Variants in NGLY1 observed in about 807,000 individuals in gnomAD.
NGLY1 encodes the protein peptide-N(4)-(N-acetyl-beta-glucosaminyl)asparagine amidase.
A neutral mutation model predicts 84.6 loss-of-function variants in NGLY1; 68 were observed. The observed-to-expected ratio is 0.80, with a 90% CI of 0.66 to 0.98. The LOEUF (loss-of-function observed/expected upper bound fraction) is 0.98, where lower values mean the gene tolerates loss of function less well. Among genes scored for constraint, NGLY1 ranks in the 50% least tolerant of loss-of-function variants. The pLI is 0.00. For synonymous variants in NGLY1, 280 were observed against 275.2 expected (o/e 1.02, Z -0.17); for missense variants, 779 against 770.2 (o/e 1.01, Z -0.14).
At chr3:25,768,319 G>A (rs1575655373) in intron 2 of NGLY1, among the ~76,000 whole-genome samples, 2 of 151,438 alleles carry the variant, frequency 1.3e-5, no homozygotes, top group East Asian at 2.0e-4. Flanking sequence ...CCAGTTACTC[G>A]GAAGACTGAG....
At chr3:25,734,222 C>T (rs1016393032) in intron 7 of NGLY1, 24 of 337,938 alleles carry the variant, frequency 7.1e-5, no homozygotes, top group Admixed American at 3.8e-4. Context: ...TGCACCATCA[C>T]GCCTGGCTGA....
chr3:25,745,609 T>C (rs558311130), intron 4 of NGLY1, among the ~76,000 whole-genome samples: 1 of 152,320 alleles, frequency 6.6e-6, no homozygotes, highest in Non-Finnish European at 1.5e-5. Context: ...TGACTGCAAA[T>C]TCCACATATT....
At chr3:25,770,730 G>T (rs1284792007) in intron 2 of NGLY1, among the ~76,000 whole-genome samples, 1 of 152,052 alleles carries the variant, frequency 6.6e-6, no homozygotes, top group Non-Finnish European at 1.5e-5. Context: ...ATTATTTTTT[G>T]ATTCTTTAAT....
intron 1 of NGLY1, among the ~76,000 whole-genome samples, chr3:25,778,925 C>CTTTT (rs565447910): frequency 3.5e-4 from 19 of 54,692 alleles, no homozygotes; most frequent in African/African-American, 7.2e-4. Context: ...AAGATACATT[C>CTTTT]TTTTTTTTTT....
intron 4 of NGLY1, among the ~76,000 whole-genome samples, chr3:25,750,084 G>C (rs184168706): frequency 6.0e-4 from 92 of 152,274 alleles, no homozygotes; most frequent in Non-Finnish European, 7.3e-5. Context: ...GTTCCACATG[G>C]CTGGAGAGGC....
At chr3:25,757,959 T>C (rs191911956) in intron 3 of NGLY1, among the ~76,000 whole-genome samples, 2 of 152,348 alleles carry the variant, frequency 1.3e-5, no homozygotes, top group East Asian at 3.9e-4. Context: ...GACAAAGCTG[T>C]GCAGTTCAAA....
At chr3:25,788,650 A>T (rs1016013393) in intron 1 of NGLY1, among the ~76,000 whole-genome samples, 10 of 152,218 alleles carry the variant, frequency 6.6e-5, no homozygotes, top group African/African-American at 2.2e-4. Flanking sequence ...GCTTCAGAGA[A>T]AATATTGTAG....
chr3:25,783,311 G>A lies in NGLY1; in HGVS notation c.80C>T (p.Thr27Ile). The A allele has an allele frequency of 6.2e-7, 1 of 1,605,896 alleles. No individual in the cohort carries two copies. Reference sequence around the variant, plus strand: ...CAGCAGCTTGGAGGCCTCCAAAAAGGTCTCCGGGGTGTTCTGGCAGAGCTC... The same window carrying A: ...CAGCAGCTTGGAGGCCTCCAAAAAGATCTCCGGGGTGTTCTGGCAGAGCTC... ...VAELCQNTPETFLEASKLLLT... is the reference protein window; with the variant it reads ...VAELCQNTPEIFLEASKLLLT... The change falls in exon 1 of 12, where the codon ACC (threonine) becomes ATC (isoleucine). Residue 27 changes from threonine to isoleucine, a missense_variant. Physicochemically the swap from Thr to Ile is moderately conservative, Grantham distance 89. Coordinates refer to ENST00000280700, the MANE Select transcript of NGLY1 (RefSeq NM_018297.4). This position sits in a 1 kb window ranked among gnomAD's most constrained non-coding sequence, Gnocchi z 4.5.
intron 2 of NGLY1, among the ~76,000 whole-genome samples, chr3:25,769,595 T>A (rs771580062): frequency 6.6e-6 from 1 of 152,082 alleles, no homozygotes; most frequent in Non-Finnish European, 1.5e-5. Context: ...ACATTCCTAG[T>A]GGGTATACAA....
intron 9 of NGLY1, among the ~76,000 whole-genome samples, chr3:25,730,785 CAA>C (rs1161783647): frequency 3.3e-5 from 5 of 152,074 alleles, no homozygotes; most frequent in Non-Finnish European, 5.9e-5. Context: ...TGAACTGTAA[CAA>C]TGGCAAATTT....
chr3:25,756,432 T>A (rs558968105), intron 3 of NGLY1, among the ~76,000 whole-genome samples: 3 of 152,196 alleles, frequency 2.0e-5, no homozygotes, highest in African/African-American at 7.2e-5. Context: ...GTCAGAACAG[T>A]TGGGTTTTAC....
intron 2 of NGLY1, among the ~76,000 whole-genome samples, chr3:25,768,670 C>G (rs531109636): frequency 1.0e-4 from 15 of 149,866 alleles, no homozygotes; most frequent in Non-Finnish European, 2.1e-4. Flanking sequence ...CTCAGCCTCC[C>G]AAGTAGCTGG....
At position 25,751,214 on chromosome 3, in the gene NGLY1, T is replaced by C. The variant is rs369784943; in HGVS notation, c.542A>G (p.His181Arg). The change falls in exon 4 of 12, where the codon CAT becomes CGT. Residue 181 changes from histidine (H) to arginine (R), a missense_variant. Coordinates refer to ENST00000280700, the MANE Select transcript of NGLY1 (RefSeq NM_018297.4). Reference protein sequence around the residue: ...ILEVLQSNIQHVLVYENPALQ... With the variant: ...ILEVLQSNIQRVLVYENPALQ... ...AGCAGGATTTTCATAGACCAGCACA[T>C]GCTGAATGTTGGACTGAAGAACTTC... 12 of 1,611,786 alleles carry C rather than the reference T, an allele frequency of 7.4e-6. No homozygotes were observed. Among genetic ancestry groups the C allele is most frequent in the South Asian group, 2.2e-5 (2 of 90,678 alleles).
At chr3:25,785,554 C>A, upstream of NGLY1, among the ~76,000 whole-genome samples, 1 of 148,002 alleles carries the variant, frequency 6.8e-6, no homozygotes, top group African/African-American at 2.5e-5. Context: ...ATTTTAGGGG[C>A]TGGACATGGT....
At chr3:25,757,438 G>C (rs1012078757) in intron 3 of NGLY1, among the ~76,000 whole-genome samples, 2 of 152,112 alleles carry the variant, frequency 1.3e-5, no homozygotes, top group African/African-American at 4.8e-5. Flanking sequence ...GTAAGGGTTC[G>C]ACTGGTATAC....
intron 5 of NGLY1, among the ~76,000 whole-genome samples, chr3:25,737,896 T>C (rs1399597690): frequency 6.6e-6 from 1 of 152,192 alleles, no homozygotes; most frequent in Non-Finnish European, 1.5e-5. Context: ...TGAGGCACAA[T>C]GTTAGAACAT....
At chr3:25,764,546 G>A (rs979223844) in intron 2 of NGLY1, among the ~76,000 whole-genome samples, 3 of 151,908 alleles carry the variant, frequency 2.0e-5, no homozygotes. Context: ...TTAATCCTTA[G>A]CCTATTTAAT....
Position 25,783,219 on chromosome 3 carries a change from A to ACCCACCCCCGTACCCCCCGG in NGLY1, c.131+40_131+41insCCGGGGGGTACGGGGGTGGG. 8.1e-7 allele frequency: 1 copy of ACCCACCCCCGTACCCCCCGG among 1,228,008 alleles called. No individual in the cohort carries two copies. The highest frequency in any genetic ancestry group is 1.2e-6 in the Non-Finnish European group (1 of 859,664). 76.1% of individuals were successfully genotyped at this position (1,228,008 alleles called of 1,614,324 possible). Reference sequence around the variant, plus strand: ...CTGGCCGAACAAGGTGCCGCGGCCCACCCACCCCGGTACCCGCCGTCCGAC... The same window carrying ACCCACCCCCGTACCCCCCGG: ...CTGGCCGAACAAGGTGCCGCGGCCCACCCACCCCCGTACCCCCCGGCCCACCCCGGTACCCGCCGTCCGAC... On this transcript the variant is annotated intron_variant, in intron 1 of 11. Transcript: ENST00000280700. The surrounding 1 kb of genome is among the most constrained non-coding windows in gnomAD (Gnocchi z 4.5).
rs565447910 is a variant in NGLY1 at position 25,778,925 on chromosome 3, C to CTT, written c.132-239_132-238dup. ...GTCTCGCTTCAGTTTAAGATACATTCTTTTTTTTTTTTTTTTTTTTTTTTT... is the reference window on the plus strand; with the variant it reads ...GTCTCGCTTCAGTTTAAGATACATTCTTTTTTTTTTTTTTTTTTTTTTTTTTT... On this transcript the variant is annotated intron_variant, in intron 1 of 11. Coordinates refer to ENST00000280700, the MANE Select transcript of NGLY1 (RefSeq NM_018297.4). 4.3e-3 allele frequency among the ~76,000 whole-genome samples: 234 copies of CTT among 54,690 alleles called. 24 individuals carry two copies. The highest frequency in any genetic ancestry group is 5.1e-3 in the Admixed American group (15 of 2,956). 35.9% of individuals were successfully genotyped at this position (54,690 alleles called of 152,430 possible). A position where few individuals can be genotyped will look rare whatever the true frequency, so the allele number is the denominator to read the frequency against.
Sources: allele counts gnomAD v4.1 joint callset (sites outside exome capture counted in the v4.1 genomes callset), GRCh38; gene constraint gnomAD v4.1.1; non-coding constraint Gnocchi (gnomAD v3.1); transcripts MANE v1.5; gene names NCBI Gene and HGNC (gene_info 2026-07-23, HGNC 2026-07-21).